SRBD1: variants seen among roughly 807,000 people sequenced by gnomAD.
The protein encoded by SRBD1 is S1 RNA binding domain 1.
In SRBD1, 88 loss-of-function variants were observed where a neutral mutation model predicts 115.3. The ratio of observed to expected loss-of-function variants is 0.76; its 90% confidence interval spans 0.64 to 0.91. SRBD1 has a LOEUF of 0.91. Among genes scored for constraint, SRBD1 ranks in the 40% least tolerant of loss-of-function variants. The pLI, the probability that SRBD1 is intolerant of heterozygous loss-of-function variation, is 0.00. For synonymous variants in SRBD1, 509 were observed against 407.7 expected (o/e 1.25, Z -2.99); for missense variants, 1,385 against 1,177.4 (o/e 1.18, Z -2.58).
At chr2:45,446,418 G>A (rs1211655893) in intron 16 of SRBD1, among the ~76,000 whole-genome samples, 1 of 151,982 alleles carries the variant, frequency 6.6e-6, no homozygotes, top group Non-Finnish European at 1.5e-5. Context: ...CAAGAGAAGA[G>A]GCAAAAATTC....
intron 19 of SRBD1, among the ~76,000 whole-genome samples, chr2:45,396,919 G>C (rs565144780): frequency 2.6e-5 from 4 of 152,130 alleles, no homozygotes; most frequent in African/African-American, 4.8e-5. Context: ...ATATTAGTAC[G>C]TGCTTTGTGG....
At chr2:45,408,645 C>T (rs1276134551) in intron 19 of SRBD1, among the ~76,000 whole-genome samples, 1 of 152,152 alleles carries the variant, frequency 6.6e-6, no homozygotes, top group African/African-American at 2.4e-5. Context: ...CATTATAAAT[C>T]AGTGTGTTAC....
chr2:45,579,909 G>A lies in SRBD1; in HGVS notation c.1038C>T (p.Leu346=), dbSNP rs750963112. The A allele has an allele frequency of 4.4e-6, 7 of 1,608,724 alleles. No individual in the cohort carries two copies. The highest frequency in any genetic ancestry group is 5.1e-6 in the Non-Finnish European group (6 of 1,177,840). ...CAGGCCTAATGTACGATAGCAGACT[G>A]AGCTCCCCTGGTTTCTCAAGCAGTG... ...ARALLEKPGE[L]SLLSYIRPDV... is the part of the protein sequence containing the mutation. The change falls in exon 7 of 21, where the codon CTC becomes CTT. Residue 346 remains leucine (L), a synonymous_variant. Coordinates refer to ENST00000263736, the MANE Select transcript of SRBD1 (RefSeq NM_018079.5).
At chr2:45,394,412 TA>T (rs1178863992) in intron 19 of SRBD1, among the ~76,000 whole-genome samples, 5 of 152,208 alleles carry the variant, frequency 3.3e-5, no homozygotes, top group African/African-American at 1.2e-4. Flanking sequence ...AATGGCACTT[TA>T]AAAATGTCAA....
intron 18 of SRBD1, among the ~76,000 whole-genome samples, chr2:45,413,669 T>C (rs1229346327): frequency 6.6e-6 from 1 of 152,106 alleles, no homozygotes; most frequent in East Asian, 1.9e-4. Context: ...GGCTCACACC[T>C]GTAATCCCAA....
At chr2:45,411,315 T>C (rs1667596042) in intron 19 of SRBD1, among the ~76,000 whole-genome samples, 1 of 152,202 alleles carries the variant, frequency 6.6e-6, no homozygotes, top group Admixed American at 6.5e-5. Flanking sequence ...AAGTTTGGTA[T>C]TTCCTATATC....
chr2:45,519,625 T>C (rs1307692828), intron 14 of SRBD1, among the ~76,000 whole-genome samples: 1 of 152,200 alleles, frequency 6.6e-6, no homozygotes, highest in African/African-American at 2.4e-5. Context: ...ACTGCAGTGT[T>C]TGGTGGTTCA....
At chr2:45,470,530 G>A (rs1346170925) in intron 16 of SRBD1, among the ~76,000 whole-genome samples, 1 of 152,158 alleles carries the variant, frequency 6.6e-6, no homozygotes, top group East Asian at 1.9e-4. Flanking sequence ...TTTACTGTGT[G>A]TGTTCATTAC....
intron 9 of SRBD1, among the ~76,000 whole-genome samples, chr2:45,564,939 C>G (rs1262587418): frequency 1.3e-5 from 2 of 152,120 alleles, no homozygotes; most frequent in African/African-American, 2.4e-5. Flanking sequence ...CAAGGAACAA[C>G]TGTACTATGA....
intron 12 of SRBD1, among the ~76,000 whole-genome samples, chr2:45,549,696 C>CAAAAA (rs10646755): frequency 1.4e-3 from 118 of 84,714 alleles, no homozygotes; most frequent in African/African-American, 2.3e-3. Flanking sequence ...ACTAAAAATA[C>CAAAAA]AAAAAAAAAA....
Position 45,553,679 on chromosome 2 carries a change from A to G in SRBD1, c.1461T>C (p.Asn487=), listed in dbSNP as rs1405729482. The G allele has an allele frequency of 1.2e-6, 2 of 1,608,280 alleles. No homozygotes were observed. Among genetic ancestry groups the G allele is most frequent in the East Asian group, 4.5e-5 (2 of 44,766 alleles). ...ARPELMKILY[N]SLNDSFKRLI... ...GGCGTTTAAAGGAATCATTCAGTGA[A>G]TTATATAAGATCTTCATTAACTCTG... The change falls in exon 11 of 21, where the codon AAT becomes AAC. Residue 487 remains asparagine (N), a synonymous_variant. Transcript: ENST00000263736.
chr2:45,469,899 T>C (rs972782261), intron 16 of SRBD1, among the ~76,000 whole-genome samples: 1 of 152,196 alleles, frequency 6.6e-6, no homozygotes, highest in African/African-American at 2.4e-5. Context: ...AGGGACAACA[T>C]TGCAAAACCA....
chr2:45,603,056 G>T (rs1482855563), intron 2 of SRBD1, among the ~76,000 whole-genome samples: 2 of 152,098 alleles, frequency 1.3e-5, no homozygotes, highest in Non-Finnish European at 2.9e-5. Flanking sequence ...ACTATAATTA[G>T]AAAACCAATG....
At chr2:45,425,163 C>G (rs957961357) in intron 16 of SRBD1, among the ~76,000 whole-genome samples, 1 of 152,066 alleles carries the variant, frequency 6.6e-6, no homozygotes, top group Non-Finnish European at 1.5e-5. Context: ...TGATGTTTTT[C>G]CAATTGAAGC....
intron 16 of SRBD1, among the ~76,000 whole-genome samples, chr2:45,434,099 C>T (rs1313855937): frequency 6.6e-6 from 1 of 152,214 alleles, no homozygotes; most frequent in East Asian, 1.9e-4. Flanking sequence ...CTGAAGATTC[C>T]TTTACTGCTA....
Position 45,476,114 on chromosome 2 carries a change from A to G in SRBD1, c.2049+879T>C, listed in dbSNP as rs192923397. ...TTAAAGGTCTGAATGCCTTAGTCCA[A>G]CTTGCTATAAAATGGAAATATTCCC... On this transcript the variant is annotated intron_variant, in intron 16 of 20. Transcript: ENST00000263736. Among the ~76,000 whole-genome samples the G allele has an allele frequency of 3.8e-3, 578 of 152,348 alleles. 5 individuals carry two copies. The highest frequency in any genetic ancestry group is 0.013 in the African/African-American group (526 of 41,580).
intron 7 of SRBD1, 137 bp downstream of exon 7, chr2:45,579,738 T>A: frequency 9.4e-7 from 1 of 1,061,538 alleles, no homozygotes; most frequent in South Asian, 3.7e-5. Flanking sequence ...ATGTCAGGAT[T>A]TATTTCAATT....
chr2:45,539,510 ATACTC>A (rs1255125877), intron 14 of SRBD1, among the ~76,000 whole-genome samples: 1 of 152,188 alleles, frequency 6.6e-6, no homozygotes, highest in Non-Finnish European at 1.5e-5. Flanking sequence ...ATAACTCACT[ATACTC>A]TACCCCCAGG....
intron 1 of SRBD1, among the ~76,000 whole-genome samples, chr2:45,610,447 T>C (rs930087321): frequency 9.2e-5 from 14 of 152,172 alleles, no homozygotes; most frequent in African/African-American, 3.4e-4. Flanking sequence ...AGTCCCGCTA[T>C]ATTCAGAAAT....
Sources: allele counts gnomAD v4.1 joint callset (sites outside exome capture counted in the v4.1 genomes callset), GRCh38; gene constraint gnomAD v4.1.1; transcripts MANE v1.5; gene names NCBI Gene and HGNC (gene_info 2026-07-23, HGNC 2026-07-21).